Variants in PYGO1 observed in about 807,000 individuals in gnomAD.
PYGO1 encodes pygopus family PHD finger 1.
A neutral mutation model predicts 29.5 loss-of-function variants in PYGO1; 6 were observed. That is an observed-to-expected ratio of 0.20 (90% CI 0.11 to 0.40). The LOEUF (loss-of-function observed/expected upper bound fraction) is 0.40, where lower values mean the gene tolerates loss of function less well. Among genes scored for constraint, PYGO1 ranks in the 10% least tolerant of loss-of-function variants. The pLI is 1.00. For missense variants in PYGO1, 515 were observed against 514.9 expected, an observed-to-expected ratio of 1.00 and a Z score of 0.00; for synonymous variants, 186 against 180.5, an observed-to-expected ratio of 1.03 and a Z score of -0.24.
At position 55,542,066 on chromosome 15, in the gene PYGO1, G is replaced by A. The variant is rs761560080; in HGVS notation, c.*3957C>T. 2.6e-5 allele frequency: 4 copies of A among 151,840 alleles called. No individual in the cohort carries two copies. The highest frequency in any genetic ancestry group is 2.1e-4 in the South Asian group (1 of 4,812). 9.4% of individuals were successfully genotyped at this position (151,840 alleles called of 1,614,324 possible). On this transcript the variant is annotated 3_prime_UTR_variant, in exon 3 of 3. Coordinates refer to ENST00000563719, the MANE Select transcript of PYGO1 (RefSeq NM_001367806.1). ...CCATGCATAAGAAACCTCTATACACGGCAGAAAGAAATCCAAAACTCTTGA... is the reference window on the plus strand; with the variant it reads ...CCATGCATAAGAAACCTCTATACACAGCAGAAAGAAATCCAAAACTCTTGA...
Position 55,546,992 on chromosome 15 carries a change from G to C in PYGO1, c.291C>G (p.Gly97=). Residue 97 remains glycine (G), a synonymous_variant, in exon 3 of 3, where the codon GGC becomes GGG. Coordinates refer to ENST00000563719, the MANE Select transcript of PYGO1 (RefSeq NM_001367806.1). ...TTCTGAATGTACTATAGCCTCCAAA[G>C]CCAGGATAACCAGGGCCAAGATATG... ...SNPYLGPGYP[G]FGGYSTFRMP... 1.2e-6 allele frequency: 2 copies of C among 1,614,022 alleles called. No homozygotes were observed. Among genetic ancestry groups the C allele is most frequent in the Non-Finnish European group, 1.7e-6 (2 of 1,179,948 alleles).
rs2141684000 is a variant in PYGO1, at chr15:55,588,056, G to A, written c.-173C>T. On this transcript the variant is annotated 5_prime_UTR_variant, in exon 1 of 3. Transcript: ENST00000563719. ...GCCGACTTTGCAAAGTTTGGGAGGA[G>A]GACGAGGCCTCGGGGCGGCGGGGCG... The A allele has an allele frequency of 6.1e-6, 7 of 1,155,718 alleles. No homozygotes were observed. In the Admixed American group the frequency reaches 1.9e-4, roughly 32 times the overall value. The allele number at this position is 1,155,718 out of a possible 1,614,324, so 71.6% of individuals were successfully genotyped here. A position where few individuals can be genotyped will look rare whatever the true frequency, so the allele number is the denominator to read the frequency against.
chr15:55,574,076 G>C (rs2058991292), intron 1 of PYGO1, among the ~76,000 whole-genome samples: 1 of 152,168 alleles, frequency 6.6e-6, no homozygotes, highest in African/African-American at 2.4e-5. Flanking sequence ...AGCATCACTA[G>C]TGGCACTTTA....
At chr15:55,577,893 G>C (rs1005413746) in intron 1 of PYGO1, among the ~76,000 whole-genome samples, 3 of 151,430 alleles carry the variant, frequency 2.0e-5, no homozygotes, top group Non-Finnish European at 4.4e-5. Flanking sequence ...CCCTGCCTCA[G>C]CCTCCCGAGC....
intron 1 of PYGO1, among the ~76,000 whole-genome samples, chr15:55,568,892 T>C (rs867097608): frequency 6.6e-6 from 1 of 152,220 alleles, no homozygotes; most frequent in Non-Finnish European, 1.5e-5. Flanking sequence ...TGAATCACAC[T>C]TATTGATTTG....
In PYGO1 at chr15:55,588,132, G is replaced by C; in HGVS notation, c.-249C>G. 1 of 820,146 alleles carries C rather than the reference G, an allele frequency of 1.2e-6. No individual in the cohort carries two copies. The highest frequency in any genetic ancestry group is 1.5e-6 in the Non-Finnish European group (1 of 681,192). 50.8% of individuals were successfully genotyped at this position (820,146 alleles called of 1,614,324 possible). ...GGGCTCAGCGGCGGTGGCCGGGAGC[G>C]CGGCCTGGGGGCGGCCCCCCACCCG... On this transcript the variant is annotated 5_prime_UTR_variant, in exon 1 of 3. Transcript: ENST00000563719.
chr15:55,581,904 G>A (rs2059026345), intron 1 of PYGO1, among the ~76,000 whole-genome samples: 1 of 152,022 alleles, frequency 6.6e-6, no homozygotes, highest in African/African-American at 2.4e-5. Context: ...AGAAGTCAAT[G>A]GGTTCAAAAC....
At chr15:55,566,583 T>C (rs1370370589) in intron 1 of PYGO1, among the ~76,000 whole-genome samples, 1 of 152,074 alleles carries the variant, frequency 6.6e-6, no homozygotes, top group Non-Finnish European at 1.5e-5. Flanking sequence ...TTCTTTGGGG[T>C]ATATATCCAG....
intron 1 of PYGO1, among the ~76,000 whole-genome samples, chr15:55,567,790 G>A (rs2058963407): frequency 6.6e-6 from 1 of 152,116 alleles, no homozygotes; most frequent in South Asian, 2.1e-4. Context: ...TGATAGGTAT[G>A]GGTCCATTTT....
At chr15:55,566,384 G>C (rs1299427789) in intron 1 of PYGO1, among the ~76,000 whole-genome samples, 1 of 29,086 alleles carries the variant, frequency 3.4e-5, no homozygotes, top group Non-Finnish European at 8.2e-5. Flanking sequence ...CATTCATATT[G>C]CTACAAAAAA....
At chr15:55,562,932 G>A (rs1025056198) in intron 1 of PYGO1, among the ~76,000 whole-genome samples, 2 of 151,932 alleles carry the variant, frequency 1.3e-5, no homozygotes, top group Non-Finnish European at 2.9e-5. Flanking sequence ...TTACAAGTGG[G>A]AGCTGAACAA....
chr15:55,588,924 A>T (rs2059062761), upstream of PYGO1: 1 of 1,399,336 alleles, frequency 7.1e-7, no homozygotes, highest in African/African-American at 1.4e-5. Flanking sequence ...GAATGCCTCC[A>T]CTTGGTATTT....
chr15:55,560,816 G>C (rs1345443003), intron 1 of PYGO1, among the ~76,000 whole-genome samples: 1 of 152,032 alleles, frequency 6.6e-6, no homozygotes, highest in Non-Finnish European at 1.5e-5. Flanking sequence ...ACAAAAATTA[G>C]CCAGGCATGG....
At chr15:55,572,354 A>C (rs898423803) in intron 1 of PYGO1, among the ~76,000 whole-genome samples, 7 of 152,230 alleles carry the variant, frequency 4.6e-5, no homozygotes, top group Non-Finnish European at 1.0e-4. Context: ...AACCACATGC[A>C]GATGAATGAA....
intron 1 of PYGO1, among the ~76,000 whole-genome samples, chr15:55,558,458 G>T (rs1248113915): frequency 2.0e-5 from 3 of 152,060 alleles, no homozygotes; most frequent in Non-Finnish European, 4.4e-5. Flanking sequence ...TCCCCATCAA[G>T]CTACCAATGA....
chr15:55,551,884 C>T (rs546780819), intron 1 of PYGO1, among the ~76,000 whole-genome samples: 49 of 152,144 alleles, frequency 3.2e-4, no homozygotes, highest in African/African-American at 1.1e-3. Flanking sequence ...AAGGATAATA[C>T]ATCATGACAA....
chr15:55,573,386 C>A (rs940776139), intron 1 of PYGO1, among the ~76,000 whole-genome samples: 4 of 151,944 alleles, frequency 2.6e-5, no homozygotes, highest in Admixed American at 6.6e-5. Context: ...TCATCCACTG[C>A]TGGTGGGAAT....
intron 1 of PYGO1, among the ~76,000 whole-genome samples, chr15:55,553,210 G>A (rs996364637): frequency 1.3e-5 from 2 of 152,092 alleles, no homozygotes; most frequent in East Asian, 3.9e-4. Context: ...TTCCAAGCAG[G>A]GTTATACAAG....
Position 55,555,924 on chromosome 15 carries a change from G to A in PYGO1, c.50-6929C>T, listed in dbSNP as rs572264877. 5.3e-5 allele frequency among the ~76,000 whole-genome samples: 8 copies of A among 151,846 alleles called. No homozygotes were observed. In the South Asian group the frequency reaches 1.0e-3, roughly 20 times the overall value. ...AGATCAAAAAAGGGCATTACGTAAC[G>A]GTAAAAAGTTCAATTCAACAAGAAT... On this transcript the variant is annotated intron_variant, in intron 1 of 2. Coordinates refer to ENST00000563719, the MANE Select transcript of PYGO1 (RefSeq NM_001367806.1).
Sources: gnomAD v4.1 joint callset for allele counts (sites outside exome capture counted in the v4.1 genomes callset) on GRCh38, gnomAD v4.1.1 for gene constraint, MANE v1.5 for transcripts, NCBI Gene and HGNC (gene_info 2026-07-23, HGNC 2026-07-21) for gene names.